Variants in ERC2 observed in about 807,000 individuals in gnomAD.
ERC2 encodes the protein ELKS/RAB6-interacting/CAST family member 2.
ERC2 carries 42 observed loss-of-function variants against 114.8 expected under a neutral mutation model. The ratio of observed to expected loss-of-function variants is 0.37; its 90% confidence interval spans 0.29 to 0.47. The LOEUF is 0.47. ERC2 is among the 20% of genes least tolerant of loss of function. ERC2 has a pLI of 0.99. For synonymous variants in ERC2, 454 were observed against 425.5 expected, an observed-to-expected ratio of 1.07 and a Z score of -0.82; for missense variants, 939 against 1,150.7, an observed-to-expected ratio of 0.82 and a Z score of 2.66.
At position 55,734,809 on chromosome 3, in the gene ERC2, G is replaced by T. The variant is rs367719934; in HGVS notation, c.2674C>A (p.Arg892=). The change falls in exon 15 of 18, where the codon CGG becomes AGG. Residue 892 remains arginine (R), a synonymous_variant. Transcript: ENST00000288221. ...TGATGTACTAGTCGGTCTTTTTCCC[G>T]CTTGAGGGCCATGACTTCTTCCTGC... ...KTQEEVMALK[R]EKDRLVHQLK... is the part of the protein sequence containing the mutation. The T allele has an allele frequency of 6.2e-7, 1 of 1,612,832 alleles. No homozygotes were observed. The highest frequency in any genetic ancestry group is 1.3e-5 in the African/African-American group (1 of 74,860).
chr3:55,752,505 G>T (rs560667516), intron 14 of ERC2, among the ~76,000 whole-genome samples: 34 of 152,266 alleles, frequency 2.2e-4, no homozygotes, highest in Non-Finnish European at 4.0e-4. Flanking sequence ...GAACAGTTTT[G>T]CCAAGACTGC....
chr3:55,781,001 C>T (rs922489580), intron 14 of ERC2, among the ~76,000 whole-genome samples: 1 of 152,234 alleles, frequency 6.6e-6, no homozygotes, highest in African/African-American at 2.4e-5. Flanking sequence ...CTGAAGGAAG[C>T]TATCAGTGAC....
chr3:56,250,559 G>A (rs2052075110), intron 3 of ERC2, among the ~76,000 whole-genome samples: 1 of 152,190 alleles, frequency 6.6e-6, no homozygotes, highest in African/African-American at 2.4e-5. Flanking sequence ...TGGAACAGAA[G>A]AGCAAGCTGA....
intron 6 of ERC2, among the ~76,000 whole-genome samples, chr3:56,113,081 G>A (rs531354973): frequency 2.6e-5 from 4 of 152,144 alleles, no homozygotes; most frequent in African/African-American, 7.2e-5. Flanking sequence ...CTAATAGGTG[G>A]GGTGTTAATA....
chr3:55,968,919 G>GCC (rs1256696573), intron 12 of ERC2, among the ~76,000 whole-genome samples: 2 of 151,896 alleles, frequency 1.3e-5, no homozygotes, highest in African/African-American at 4.8e-5. Flanking sequence ...TAAAAAACAT[G>GCC]CCCATTCCCC....
intron 2 of ERC2, among the ~76,000 whole-genome samples, chr3:56,297,847 T>C (rs1031286130): frequency 6.6e-6 from 1 of 152,222 alleles, no homozygotes; most frequent in Non-Finnish European, 1.5e-5. Context: ...CTCAGAGGTA[T>C]TGAGATCTTT....
At chr3:56,031,123 C>A (rs529865263) in intron 7 of ERC2, among the ~76,000 whole-genome samples, 3 of 152,282 alleles carry the variant, frequency 2.0e-5, no homozygotes, top group African/African-American at 7.2e-5. Flanking sequence ...AGGCACATAG[C>A]CATAGACCCA....
chr3:56,088,298 A>G (rs1050644799), intron 6 of ERC2, among the ~76,000 whole-genome samples: 1 of 152,150 alleles, frequency 6.6e-6, no homozygotes, highest in Non-Finnish European at 1.5e-5. Context: ...AATTATTACA[A>G]TAAACTCGTA....
At chr3:56,180,051 T>A (rs2083205485) in intron 3 of ERC2, among the ~76,000 whole-genome samples, 1 of 151,846 alleles carries the variant, frequency 6.6e-6, no homozygotes, top group African/African-American at 2.4e-5. Flanking sequence ...GGACAGCTAG[T>A]GAAGTAGGAA....
intron 6 of ERC2, among the ~76,000 whole-genome samples, chr3:56,085,205 T>C (rs1185237728): frequency 6.6e-6 from 1 of 152,224 alleles, no homozygotes; most frequent in Non-Finnish European, 1.5e-5. Flanking sequence ...TCTTGCTCCT[T>C]GCCAAGAAAG....
At chr3:55,986,020 G>C (rs1254044159) in intron 11 of ERC2, 32 bp from the exon 12 acceptor site, 1 of 1,537,676 alleles carries the variant, frequency 6.5e-7, no homozygotes, top group Non-Finnish European at 8.7e-7. Flanking sequence ...GCAGCAATTT[G>C]GAGGATAAGC....
chr3:55,743,500 T>TA, intron 14 of ERC2, among the ~76,000 whole-genome samples: 1 of 135,912 alleles, frequency 7.4e-6, no homozygotes, highest in South Asian at 2.3e-4. Flanking sequence ...AGAGAATTGA[T>TA]AAAAAGGCAA....
intron 3 of ERC2, among the ~76,000 whole-genome samples, chr3:56,206,221 T>A (rs1204232929): frequency 8.9e-5 from 13 of 146,076 alleles, no homozygotes; most frequent in Non-Finnish European, 1.8e-4. Context: ...ACACACACAC[T>A]CACATACACA....
chr3:55,583,547 T>C lies in ERC2; in HGVS notation c.*40-72271A>G, dbSNP rs1245334556. Among the ~76,000 whole-genome samples the C allele has an allele frequency of 1.0e-3, 35 of 34,450 alleles. 1 individual carries two copies. Among genetic ancestry groups the C allele is most frequent in the Admixed American group, 1.0e-3 (2 of 1,988 alleles). The allele number at this position is 34,450 out of a possible 152,430, so 22.6% of individuals were successfully genotyped here. A position where few individuals can be genotyped will look rare whatever the true frequency, so the allele number is the denominator to read the frequency against. ...TCCCTTCCTTCCTTCCTTCCTTTCTTCCTTCCTTCCTTCCTTCCTTCCTTC... is the reference window on the plus strand; with the variant it reads ...TCCCTTCCTTCCTTCCTTCCTTTCTCCCTTCCTTCCTTCCTTCCTTCCTTC... On this transcript the variant is annotated intron_variant, in intron 17 of 17. Coordinates refer to ENST00000288221, the MANE Select transcript of ERC2 (RefSeq NM_015576.3).
At chr3:56,285,759 A>G (rs539835613) in intron 3 of ERC2, among the ~76,000 whole-genome samples, 121 of 152,346 alleles carry the variant, frequency 7.9e-4, no homozygotes, top group Middle Eastern at 6.8e-3. Context: ...ACCTGCAGAT[A>G]TACACAGTTT....
rs539033127 is a variant in ERC2, at chr3:55,806,257, C to T, written c.2565-71339G>A. Among the ~76,000 whole-genome samples, 15 of 151,720 alleles carry T rather than the reference C, an allele frequency of 9.9e-5. 1 individual carries two copies. The highest frequency in any genetic ancestry group is 2.9e-4 in the African/African-American group (12 of 41,366). ...GGCTGAAGCAGAAGAATTGCTTGAA[C>T]CCAGGAGGCAGAGGTTGCAGTGAGC... On this transcript the variant is annotated intron_variant, in intron 14 of 17. Transcript: ENST00000288221.
chr3:55,573,020 C>A (rs529496732), intron 17 of ERC2, among the ~76,000 whole-genome samples: 1 of 152,298 alleles, frequency 6.6e-6, no homozygotes, highest in East Asian at 1.9e-4. Context: ...CTTCTCTGGG[C>A]CTCAGAAAAG....
At chr3:55,939,186 G>T (rs1250805681) in intron 13 of ERC2, among the ~76,000 whole-genome samples, 1 of 152,144 alleles carries the variant, frequency 6.6e-6, no homozygotes, top group Non-Finnish European at 1.5e-5. Context: ...CAACAAAGTG[G>T]CAGGGGCAAT....
intron 17 of ERC2, among the ~76,000 whole-genome samples, chr3:55,511,546 A>G (rs981770943): frequency 2.0e-5 from 3 of 152,246 alleles, no homozygotes; most frequent in African/African-American, 7.2e-5. Flanking sequence ...GTCTCTTGAT[A>G]TACAAAAAAG....
Sources: gnomAD v4.1 joint callset for allele counts (sites outside exome capture counted in the v4.1 genomes callset) on GRCh38, gnomAD v4.1.1 for gene constraint, MANE v1.5 for transcripts, NCBI Gene and HGNC (gene_info 2026-07-23, HGNC 2026-07-21) for gene names.